Variants in BARX2 observed in about 807,000 individuals in gnomAD.
BARX2 encodes homeobox protein BarH-like 2.
In BARX2, 11 loss-of-function variants were observed where a neutral mutation model predicts 25.5. The observed-to-expected ratio is 0.43, with a 90% CI of 0.27 to 0.71. The LOEUF (loss-of-function observed/expected upper bound fraction) is 0.71, where lower values mean the gene tolerates loss of function less well. Among genes scored for constraint, BARX2 ranks in the 30% least tolerant of loss-of-function variants. BARX2 has a pLI of 0.19. For missense variants in BARX2, 360 were observed against 359.9 expected (o/e 1.00, Z 0.00); for synonymous variants, 137 against 149.5 (o/e 0.92, Z 0.61).
intron 1 of BARX2, among the ~76,000 whole-genome samples, chr11:129,382,061 T>G (rs1411921577): frequency 6.6e-6 from 1 of 152,242 alleles, no homozygotes; most frequent in Non-Finnish European, 1.5e-5. Flanking sequence ...TGAGTAAATG[T>G]TAAACCAGAA....
chr11:129,387,226 C>T (rs1183724862), intron 1 of BARX2, among the ~76,000 whole-genome samples: 1 of 152,158 alleles, frequency 6.6e-6, no homozygotes, highest in East Asian at 1.9e-4. Context: ...ATGAACTAGC[C>T]AGGCTTGGGG....
chr11:129,400,051 A>T (rs1037634434), intron 1 of BARX2, among the ~76,000 whole-genome samples: 1 of 152,036 alleles, frequency 6.6e-6, no homozygotes, highest in Admixed American at 6.6e-5. Flanking sequence ...TTGGTCGTTG[A>T]TTAGAACCGT....
chr11:129,441,135 T>G (rs534023519), intron 2 of BARX2, among the ~76,000 whole-genome samples: 1 of 152,292 alleles, frequency 6.6e-6, no homozygotes, highest in Non-Finnish European at 1.5e-5. Flanking sequence ...GACTGCAGAC[T>G]TCCCTTTCTC....
chr11:129,388,081 A>G (rs544746275), intron 1 of BARX2, among the ~76,000 whole-genome samples: 33 of 138,888 alleles, frequency 2.4e-4, no homozygotes, highest in Non-Finnish European at 4.8e-4. Flanking sequence ...CTCATTACAT[A>G]TAGGCAACAT....
At chr11:129,422,923 A>G (rs1862021762) in intron 1 of BARX2, among the ~76,000 whole-genome samples, 3 of 149,250 alleles carry the variant, frequency 2.0e-5, no homozygotes, top group Admixed American at 6.6e-5. Context: ...GGCTGGTCTC[A>G]GACTCCCGAC....
Position 129,424,486 on chromosome 11 carries a change from A to G in BARX2, c.188-12265A>G, listed in dbSNP as rs75004270. Among the ~76,000 whole-genome samples the G allele has an allele frequency of 6.6e-4, 100 of 152,170 alleles. 1 individual carries two copies. In the East Asian group the frequency reaches 0.016, roughly 24 times the overall value. On this transcript the variant is annotated intron_variant, in intron 1 of 3. Coordinates refer to ENST00000281437, the MANE Select transcript of BARX2 (RefSeq NM_003658.5). The stretch of plus-strand genomic sequence containing the variant: ...AGATACTACTGGATTTTCCTCGACA[A>G]TGCCTCTGGAATCCATCCCTTCCTT...
At chr11:129,399,835 G>C (rs953391621) in intron 1 of BARX2, among the ~76,000 whole-genome samples, 1 of 152,134 alleles carries the variant, frequency 6.6e-6, no homozygotes, top group Non-Finnish European at 1.5e-5. Context: ...TACCTTCTGG[G>C]TGCTGCCTGG....
At position 129,412,133 on chromosome 11, in the gene BARX2, A is replaced by G. The variant is rs370639599; in HGVS notation, c.188-24618A>G. Among the ~76,000 whole-genome samples the G allele has an allele frequency of 3.6e-4, 54 of 152,054 alleles. 1 individual carries two copies. The East Asian group carries it at 7.6e-3, about 21-fold the overall frequency. Reference sequence around the variant, plus strand: ...TAAAAACACAAAAAGTTAGCCGGGCATGGTGGCGGGCGCCTGTAGTCCCAG... The same window carrying G: ...TAAAAACACAAAAAGTTAGCCGGGCGTGGTGGCGGGCGCCTGTAGTCCCAG... On this transcript the variant is annotated intron_variant, in intron 1 of 3. Transcript: ENST00000281437.
chr11:129,409,554 C>T lies in BARX2; in HGVS notation c.188-27197C>T, dbSNP rs888690144. Among the ~76,000 whole-genome samples the T allele has an allele frequency of 5.3e-5, 8 of 152,222 alleles. No homozygotes were observed. The East Asian group carries it at 1.4e-3, about 26-fold the overall frequency. ...GTGAATATATTTGATGGGATAATTG[C>T]TGTCCATTCACCATTTTTAGGATTG... is the stretch of plus-strand genomic sequence containing the variant. On this transcript the variant is annotated intron_variant, in intron 1 of 3. Coordinates refer to ENST00000281437, the MANE Select transcript of BARX2 (RefSeq NM_003658.5).
At chr11:129,441,557 T>A (rs759880342) in intron 2 of BARX2, among the ~76,000 whole-genome samples, 1 of 152,194 alleles carries the variant, frequency 6.6e-6, no homozygotes, top group Non-Finnish European at 1.5e-5. Context: ...CAAGCACTTC[T>A]CTTGCCTCAG....
chr11:129,427,351 G>A (rs58440818), intron 1 of BARX2, among the ~76,000 whole-genome samples: 2 of 152,130 alleles, frequency 1.3e-5, no homozygotes, highest in African/African-American at 2.4e-5. Context: ...TGGTAGGAAC[G>A]GGAGCTTAGG....
At chr11:129,427,438 A>G (rs984960601) in intron 1 of BARX2, among the ~76,000 whole-genome samples, 5 of 152,176 alleles carry the variant, frequency 3.3e-5, no homozygotes, top group African/African-American at 1.2e-4. Context: ...TCCATGGCGT[A>G]CATCTTCCAG....
At chr11:129,395,941 C>G (rs1565511192) in intron 1 of BARX2, among the ~76,000 whole-genome samples, 1 of 152,088 alleles carries the variant, frequency 6.6e-6, no homozygotes, top group Admixed American at 6.6e-5. Context: ...CAAAAGATTT[C>G]ACCTCTGAAA....
At chr11:129,419,883 C>T (rs768566898) in intron 1 of BARX2, among the ~76,000 whole-genome samples, 11 of 152,024 alleles carry the variant, frequency 7.2e-5, no homozygotes, top group Non-Finnish European at 1.5e-4. Context: ...CGGGTTCAAG[C>T]GATTCTCATG....
intron 3 of BARX2, among the ~76,000 whole-genome samples, chr11:129,448,727 G>A (rs546574935): frequency 6.6e-6 from 1 of 152,312 alleles, no homozygotes; most frequent in East Asian, 1.9e-4. Flanking sequence ...ACATAGAGTT[G>A]CCAAATGATC....
chr11:129,378,053 A>G (rs751264745), intron 1 of BARX2, among the ~76,000 whole-genome samples: 1 of 152,232 alleles, frequency 6.6e-6, no homozygotes, highest in Non-Finnish European at 1.5e-5. Context: ...TGTGAGTGTT[A>G]TAAGTGAAAT....
chr11:129,451,288 G>T lies in BARX2; in HGVS notation c.726G>T (p.Glu242Asp). 1 of 1,614,212 alleles carries T rather than the reference G, an allele frequency of 6.2e-7. No homozygotes were observed. The highest frequency in any genetic ancestry group is 8.5e-7 in the Non-Finnish European group (1 of 1,180,040). Residue 242 changes from glutamate to aspartate, a missense_variant, in exon 4 of 4, where the codon GAG becomes GAT. By Grantham distance (45) the Glu-to-Asp change is conservative. Around this residue, in one of 3 missense-constraint regions of BARX2, gnomAD observed 114 missense variants for 109.4 expected, o/e 1.04. Transcript: ENST00000281437. The stretch of plus-strand genomic sequence containing the variant: ...TGGAGCCCTCTCAGGGGCAGGAGGA[G>T]CTCTGTGAAGCACAGGAACCGAAAG... ...EQLEPSQGQEELCEAQEPKAR... is the reference protein window; with the variant it reads ...EQLEPSQGQEDLCEAQEPKAR...
Position 129,451,450 on chromosome 11 carries a change from A to G in BARX2, c.*48A>G. The G allele has an allele frequency of 6.3e-7, 1 of 1,584,288 alleles. No homozygotes were observed. Among genetic ancestry groups the G allele is most frequent in the East Asian group, 2.3e-5 (1 of 44,386 alleles). ...AGGGAGACTGGGGAGAAGGGAAAAG[A>G]GAGAAGGCAGGGAGAGTAGGGAGAG... is the stretch of plus-strand genomic sequence containing the variant. On this transcript the variant is annotated 3_prime_UTR_variant, in exon 4 of 4. Coordinates refer to ENST00000281437, the MANE Select transcript of BARX2 (RefSeq NM_003658.5).
chr11:129,385,287 C>T (rs1275340849), intron 1 of BARX2, among the ~76,000 whole-genome samples: 1 of 152,150 alleles, frequency 6.6e-6, no homozygotes, highest in Non-Finnish European at 1.5e-5. Flanking sequence ...TCAGCAGTTC[C>T]ACTCCTGGGT....
Sources: allele counts gnomAD v4.1 joint callset (sites outside exome capture counted in the v4.1 genomes callset), GRCh38; gene constraint gnomAD v4.1.1; regional missense constraint gnomAD v4.1.1; transcripts MANE v1.5; gene names NCBI Gene and HGNC (gene_info 2026-07-23, HGNC 2026-07-21).